Variants in SLC12A6 observed in about 807,000 individuals in gnomAD.
The protein encoded by SLC12A6 is K-Cl cotransporter 3.
A neutral mutation model predicts 135.3 loss-of-function variants in SLC12A6; 66 were observed. The observed-to-expected ratio is 0.49, with a 90% CI of 0.40 to 0.60. The LOEUF (loss-of-function observed/expected upper bound fraction) is 0.60, where lower values mean the gene tolerates loss of function less well. Ranked by LOEUF, SLC12A6 falls within the 20% of genes least tolerant of loss-of-function variation. The probability of loss-of-function intolerance (pLI) is 0.00; values close to 1 mark genes in which losing one functional copy is unlikely to be tolerated. For missense variants in SLC12A6, 1,058 were observed against 1,452.3 expected, an observed-to-expected ratio of 0.73 and a Z score of 4.41; for synonymous variants, 513 against 508.8, an observed-to-expected ratio of 1.01 and a Z score of -0.11.
intron 13 of SLC12A6, among the ~76,000 whole-genome samples, chr15:34,247,075 T>A (rs1240563869): frequency 6.6e-6 from 1 of 152,156 alleles, no homozygotes. Flanking sequence ...ACTGGAAATA[T>A]AAGAAGATTC....
chr15:34,327,987 G>A (rs968595116), intron 2 of SLC12A6, among the ~76,000 whole-genome samples: 4 of 151,746 alleles, frequency 2.6e-5, no homozygotes, highest in African/African-American at 7.3e-5. Context: ...TCAAGGCCAC[G>A]ACAAATATAA....
intron 2 of SLC12A6, among the ~76,000 whole-genome samples, chr15:34,310,571 ATGTGTG>A (rs1244462361): frequency 5.7e-5 from 1 of 17,646 alleles, no homozygotes; most frequent in Non-Finnish European, 9.6e-5. Flanking sequence ...GTGTGTGTGT[ATGTGTG>A]TGTGTGTGTG....
intron 2 of SLC12A6, among the ~76,000 whole-genome samples, chr15:34,334,009 G>A (rs1326318330): frequency 6.6e-6 from 1 of 151,704 alleles, no homozygotes; most frequent in Non-Finnish European, 1.5e-5. Flanking sequence ...GACAGAGATT[G>A]CAGTGAGTGG....
At chr15:34,302,957 CAAAAA>C (rs35647149) in intron 2 of SLC12A6, among the ~76,000 whole-genome samples, 4 of 83,286 alleles carry the variant, frequency 4.8e-5, no homozygotes, top group African/African-American at 1.5e-4. Context: ...GACCCTGTCT[CAAAAA>C]AAAAAAAAAA....
At chr15:34,336,358 T>C in intron 2 of SLC12A6, 52 bp downstream of exon 2, 1 of 1,415,840 alleles carries the variant, frequency 7.1e-7, no homozygotes, top group Admixed American at 1.7e-5. Context: ...ATGGTCATCT[T>C]GGATAAAGAA....
chr15:34,308,022 T>C (rs1345309288), intron 2 of SLC12A6, among the ~76,000 whole-genome samples: 1 of 152,242 alleles, frequency 6.6e-6, no homozygotes, highest in Non-Finnish European at 1.5e-5. Context: ...ATATTCTACC[T>C]ATATTAGTAT....
chr15:34,283,367 A>G (rs1894812825), intron 2 of SLC12A6, among the ~76,000 whole-genome samples: 1 of 124,338 alleles, frequency 8.0e-6, no homozygotes, highest in African/African-American at 4.7e-5. Flanking sequence ...ATAAAAATAG[A>G]AAAGATAATT....
chr15:34,336,357 T>C, intron 2 of SLC12A6, 53 bp downstream of exon 2: 2 of 1,398,462 alleles, frequency 1.4e-6, no homozygotes, highest in South Asian at 1.2e-5. Flanking sequence ...GATGGTCATC[T>C]TGGATAAAGA....
chr15:34,295,787 T>C (rs1193663090), intron 2 of SLC12A6, among the ~76,000 whole-genome samples: 1 of 152,054 alleles, frequency 6.6e-6, no homozygotes, highest in Non-Finnish European at 1.5e-5. Context: ...TCACCTGAAG[T>C]TGGGAGTTCA....
intron 2 of SLC12A6, among the ~76,000 whole-genome samples, chr15:34,329,204 AG>A (rs1889674998): frequency 6.6e-6 from 1 of 152,250 alleles, no homozygotes; most frequent in Non-Finnish European, 1.5e-5. Flanking sequence ...CAAGGGGAAG[AG>A]GGTTGAAATC....
Position 34,258,929 on chromosome 15 carries a change from T to C in SLC12A6, c.427A>G (p.Arg143Gly). ...LALFEEEMDTRPKVSSLLNRM... is the reference protein window; with the variant it reads ...LALFEEEMDTGPKVSSLLNRM... ...TTGAGGAGGGAAGACACCTTCGGTCTGGTGTCCATTTCTTCCTATAAAGCC... is the reference window on the plus strand; with the variant it reads ...TTGAGGAGGGAAGACACCTTCGGTCCGGTGTCCATTTCTTCCTATAAAGCC... The change falls in exon 5 of 26, where the codon AGA becomes GGA. Residue 143 changes from arginine to glycine, a missense_variant. By Grantham distance (125) the Arg-to-Gly change is moderately radical. This residue lies in a region of SLC12A6 where 139 missense variants were observed against 202.2 expected (regional missense o/e 0.69). Coordinates refer to ENST00000354181, the MANE Select transcript of SLC12A6 (RefSeq NM_001365088.1). 2 of 1,609,732 alleles carry C rather than the reference T, an allele frequency of 1.2e-6. No homozygotes were observed. Among genetic ancestry groups the C allele is most frequent in the African/African-American group, 1.3e-5 (1 of 74,962 alleles).
chr15:34,240,654 C>CTCT lies in SLC12A6; in HGVS notation c.2436+4_2436+6dup. On this transcript the variant is annotated splice_region_variant and intron_variant, in intron 19 of 25. Coordinates refer to ENST00000354181, the MANE Select transcript of SLC12A6 (RefSeq NM_001365088.1). ...GAGTTCCAATACCTCAAAAGCCTGA[C>CTCT]TCTTACCTGCTCAGCAGCTAAAGCT... 6.2e-7 allele frequency: 1 copy of CTCT among 1,612,910 alleles called. No individual in the cohort carries two copies. The highest frequency in any genetic ancestry group is 8.5e-7 in the Non-Finnish European group (1 of 1,178,904).
chr15:34,236,322 T>A, intron 23 of SLC12A6, 123 bp from the exon 24 acceptor site: 1 of 782,930 alleles, frequency 1.3e-6, no homozygotes. Flanking sequence ...GAATTTGTCA[T>A]CCTTGAAAAC....
chr15:34,289,121 T>G (rs573466914), intron 2 of SLC12A6, among the ~76,000 whole-genome samples: 2 of 152,312 alleles, frequency 1.3e-5, no homozygotes, highest in African/African-American at 4.8e-5. Flanking sequence ...GGCTGTGGGT[T>G]TGACATGAAT....
intron 2 of SLC12A6, among the ~76,000 whole-genome samples, chr15:34,285,713 T>TACAAACACACACACACACACACACACA (rs776596338): frequency 2.2e-5 from 1 of 45,164 alleles, no homozygotes; most frequent in East Asian, 3.9e-4. Context: ...TGTGTGTGTG[T>TACAAACACACACACACACACACACACA]TTGTCATACA....
intron 4 of SLC12A6, among the ~76,000 whole-genome samples, 197 bp downstream of exon 4, chr15:34,260,729 A>G (rs1007065316): frequency 3.9e-5 from 6 of 152,252 alleles, no homozygotes; most frequent in African/African-American, 1.2e-4. Context: ...TCCTTACTAC[A>G]TAACAATTTG....
chr15:34,256,173 G>C, intron 7 of SLC12A6, 56 bp downstream of exon 7: 1 of 1,102,720 alleles, frequency 9.1e-7, no homozygotes. Flanking sequence ...TAGCTTTATA[G>C]CATAAACACA....
At position 34,275,344 on chromosome 15, in the gene SLC12A6, C is replaced by T. The variant is rs1462170681; in HGVS notation, c.316+1G>A. 2.7e-6 allele frequency: 4 copies of T among 1,483,314 alleles called. No individual in the cohort carries two copies. The Middle Eastern group carries it at 5.2e-4, about 191-fold the overall frequency. The allele number at this position is 1,483,314 out of a possible 1,614,324, so 91.9% of individuals were successfully genotyped here. The stretch of plus-strand genomic sequence containing the variant: ...AGTCAATCCCCACAGTAATACTATA[C>T]CTAACAGTTGGCTGTGTTCCCCTGT... On this transcript the variant is annotated splice_donor_variant, in intron 3 of 25. Coordinates refer to ENST00000354181, the MANE Select transcript of SLC12A6 (RefSeq NM_001365088.1). LOFTEE classifies it high-confidence loss of function.
At chr15:34,309,531 T>G (rs1887998606) in intron 2 of SLC12A6, among the ~76,000 whole-genome samples, 1 of 152,136 alleles carries the variant, frequency 6.6e-6, no homozygotes, top group Admixed American at 6.5e-5. Flanking sequence ...AGTGAGAGAT[T>G]CTAAAAAGCC....
Sources: gnomAD v4.1 joint callset for allele counts (sites outside exome capture counted in the v4.1 genomes callset) on GRCh38, gnomAD v4.1.1 for gene constraint, gnomAD v4.1.1 regional missense constraint, MANE v1.5 for transcripts, NCBI Gene and HGNC (gene_info 2026-07-23, HGNC 2026-07-21) for gene names.